The following LGR6 variants were observed in gnomAD, a reference collection of about 807,000 sequenced individuals.
LGR6 encodes leucine-rich repeat-containing G protein-coupled receptor 6.
Under a neutral mutation model 69.4 loss-of-function variants are expected in LGR6, and 45 were observed. That is an observed-to-expected ratio of 0.65 (90% confidence interval 0.51 to 0.83). LGR6 has a LOEUF of 0.83. Among genes scored for constraint, LGR6 ranks in the 40% least tolerant of loss-of-function variants. LGR6 has a pLI of 0.00. For synonymous variants in LGR6, 538 were observed against 555.0 expected (o/e 0.97, Z 0.43); for missense variants, 1,108 against 1,246.7 (o/e 0.89, Z 1.68).
chr1:202,242,861 C>T (rs1214809026), intron 4 of LGR6, among the ~76,000 whole-genome samples: 2 of 152,224 alleles, frequency 1.3e-5, no homozygotes, highest in African/African-American at 4.8e-5. Context: ...GACTAATGCC[C>T]AAGGGCAGGC....
At chr1:202,266,123 T>A (rs201682139) in intron 4 of LGR6, among the ~76,000 whole-genome samples, 1 of 141,504 alleles carries the variant, frequency 7.1e-6, no homozygotes, top group Non-Finnish European at 1.6e-5. Flanking sequence ...AAAAAAAAAA[T>A]AACAGGCAGC....
chr1:202,319,128 G>A lies in LGR6; in HGVS notation c.2825G>A (p.Gly942Glu). Residue 942 changes from glycine (G) to glutamate (E), a missense_variant, in exon 18 of 18, where the codon GGA becomes GAA. By Grantham distance (98) the Gly-to-Glu change is moderately conservative. Transcript: ENST00000367278. Reference sequence around the variant, plus strand: ...GGAGAACTGCTGCTGAGGGCAGAGGGATCTACGCCAGCAGGTGGAGGCTTG... The same window carrying A: ...GGAGAACTGCTGCTGAGGGCAGAGGAATCTACGCCAGCAGGTGGAGGCTTG... ...MDGELLLRAE[G>E]STPAGGGLSG... 6.2e-7 allele frequency: 1 copy of A among 1,614,178 alleles called. No homozygotes were observed.
At chr1:202,197,547 C>G (rs1658690085) in intron 1 of LGR6, 3 of 488,684 alleles carry the variant, frequency 6.1e-6, no homozygotes, top group South Asian at 3.1e-5. Flanking sequence ...GCCCCTGGCT[C>G]TGGGACATCC....
chr1:202,214,383 C>A, intron 1 of LGR6: 1 of 827,508 alleles, frequency 1.2e-6, no homozygotes, highest in Non-Finnish European at 1.8e-6. Flanking sequence ...GAGCCGAGGC[C>A]GCCTCCCCAC....
Position 202,205,984 on chromosome 1 carries a change from A to ACACACACACG in LGR6, c.212+11788_212+11789insACACGCACAC, listed in dbSNP as rs762108190. On this transcript the variant is annotated intron_variant, in intron 1 of 17. Coordinates refer to ENST00000367278, the MANE Select transcript of LGR6 (RefSeq NM_001017403.2). Reference sequence around the variant, plus strand: ...ACAGACACACAACACACACACACACACACACCCCTAGTATGGGTCTCCGCC... The same window carrying ACACACACACG: ...ACAGACACACAACACACACACACACACACACACACGCACACCCCTAGTATGGGTCTCCGCC... 4.7e-5 allele frequency among the ~76,000 whole-genome samples: 7 copies of ACACACACACG among 150,042 alleles called. No individual in the cohort carries two copies. In the East Asian group the frequency reaches 1.4e-3, roughly 30 times the overall value.
intron 10 of LGR6, 29 bp downstream of exon 10, chr1:202,303,376 C>T: frequency 1.3e-6 from 2 of 1,570,018 alleles, no homozygotes; most frequent in Non-Finnish European, 1.8e-6. Context: ...CCTACCTTAT[C>T]TATCGCCCCA....
chr1:202,306,295 C>A (rs935567983), intron 12 of LGR6, among the ~76,000 whole-genome samples: 7 of 152,238 alleles, frequency 4.6e-5, no homozygotes, highest in African/African-American at 1.7e-4. Context: ...TAACCCAGCT[C>A]CTGTTTTCTC....
chr1:202,205,988 A>ACACACACACACACACACACC (rs1383935990), intron 1 of LGR6, among the ~76,000 whole-genome samples: 3 of 149,440 alleles, frequency 2.0e-5, no homozygotes, highest in African/African-American at 7.3e-5. Flanking sequence ...ACACACACAC[A>ACACACACACACACACACACC]CCCCTAGTAT....
At chr1:202,278,355 C>T (rs1188755971) in intron 5 of LGR6, among the ~76,000 whole-genome samples, 2 of 151,766 alleles carry the variant, frequency 1.3e-5, no homozygotes, top group Non-Finnish European at 2.9e-5. Context: ...ATGGGTGACT[C>T]CAAGGTTTGG....
At chr1:202,241,751 G>A (rs116180928) in intron 4 of LGR6, among the ~76,000 whole-genome samples, 2,035 of 152,160 alleles carry the variant, frequency 0.013, 50 homozygotes, top group African/African-American at 0.046. Flanking sequence ...GCTCCGGTGG[G>A]CTGGTCCCAG....
intron 4 of LGR6, among the ~76,000 whole-genome samples, chr1:202,265,302 C>T (rs969791112): frequency 6.6e-6 from 1 of 152,152 alleles, no homozygotes; most frequent in South Asian, 2.1e-4. Context: ...TACTCAGGCT[C>T]CGACTCCCCA....
At chr1:202,213,015 C>T (rs1002375130) in intron 1 of LGR6, among the ~76,000 whole-genome samples, 40 of 152,186 alleles carry the variant, frequency 2.6e-4, no homozygotes, top group African/African-American at 9.4e-4. Flanking sequence ...CTCTGTCCAG[C>T]AGTATCTGTG....
chr1:202,227,694 G>A lies in LGR6; in HGVS notation c.285-242G>A, dbSNP rs933764062. On this transcript the variant is annotated intron_variant, in intron 2 of 17. Coordinates refer to ENST00000367278, the MANE Select transcript of LGR6 (RefSeq NM_001017403.2). ...ACTGGTTCTGTGACCCCTAGGGGAC[G>A]TGGTTGACTTCTCCTAGCCTCAGTT... Among the ~76,000 whole-genome samples the A allele has an allele frequency of 1.1e-4, 16 of 152,326 alleles. No individual in the cohort carries two copies. In the East Asian group the frequency reaches 1.7e-3, roughly 17 times the overall value.
At chr1:202,261,704 T>C (rs1443087810) in intron 4 of LGR6, among the ~76,000 whole-genome samples, 1 of 152,220 alleles carries the variant, frequency 6.6e-6, no homozygotes, top group Non-Finnish European at 1.5e-5. Context: ...CCACCAACAG[T>C]GTAAAAGTAT....
At chr1:202,287,956 G>T (rs1666517314) in intron 6 of LGR6, among the ~76,000 whole-genome samples, 1 of 151,850 alleles carries the variant, frequency 6.6e-6, no homozygotes, top group South Asian at 2.1e-4. Context: ...ATCAGGTCAT[G>T]TTACTTTTCT....
At chr1:202,225,811 C>T (rs1465638127) in intron 2 of LGR6, among the ~76,000 whole-genome samples, 1 of 152,128 alleles carries the variant, frequency 6.6e-6, no homozygotes, top group Non-Finnish European at 1.5e-5. Context: ...CCACCAGCCC[C>T]TCCCCAAGTC....
At chr1:202,293,901 T>C (rs1329519515) in intron 6 of LGR6, among the ~76,000 whole-genome samples, 1 of 152,230 alleles carries the variant, frequency 6.6e-6, no homozygotes, top group Admixed American at 6.5e-5. Flanking sequence ...GCAAAATTCC[T>C]GACCAGAAAC....
intron 5 of LGR6, 47 bp from the exon 6 acceptor site, chr1:202,280,734 C>T (rs776486675): frequency 1.9e-6 from 3 of 1,568,200 alleles, no homozygotes; most frequent in Non-Finnish European, 2.6e-6. Context: ...TCCCCTGGCC[C>T]CAGTGCCGTG....
At chr1:202,289,594 A>G (rs888240749) in intron 6 of LGR6, among the ~76,000 whole-genome samples, 1 of 152,214 alleles carries the variant, frequency 6.6e-6, no homozygotes, top group African/African-American at 2.4e-5. Flanking sequence ...GAAGCTAATG[A>G]CAGCTTTACT....
Sources: allele counts gnomAD v4.1 joint callset (sites outside exome capture counted in the v4.1 genomes callset), GRCh38; gene constraint gnomAD v4.1.1; transcripts MANE v1.5; gene names NCBI Gene and HGNC (gene_info 2026-07-23, HGNC 2026-07-21).